RBMS3: variants seen among roughly 807,000 people sequenced by gnomAD.
The protein encoded by RBMS3 is RNA-binding motif, single-stranded-interacting protein 3.
A neutral mutation model predicts 66.8 loss-of-function variants in RBMS3; 27 were observed. The ratio of observed to expected loss-of-function variants is 0.40; its 90% CI spans 0.30 to 0.56. The LOEUF is 0.56. Among genes scored for constraint, RBMS3 ranks in the 20% least tolerant of loss-of-function variants. RBMS3 has a pLI of 0.40. For missense variants in RBMS3, 513 were observed against 549.5 expected (o/e 0.93, Z 0.66); for synonymous variants, 188 against 183.0 (o/e 1.03, Z -0.22).
chr3:29,992,457 G>A (rs984138398), intron 14 of RBMS3, among the ~76,000 whole-genome samples: 52 of 152,184 alleles, frequency 3.4e-4, no homozygotes, highest in Non-Finnish European at 4.9e-4. Flanking sequence ...CATGGTGGCG[G>A]GTGCCTGTAG....
intron 1 of RBMS3, among the ~76,000 whole-genome samples, chr3:29,387,977 T>C (rs1221684996): frequency 1.3e-5 from 2 of 152,202 alleles, no homozygotes; most frequent in East Asian, 1.9e-4. Flanking sequence ...ACATTTTTCC[T>C]ACCACTCCCA....
chr3:29,999,213 A>ATATC (rs1329827523), intron 14 of RBMS3, among the ~76,000 whole-genome samples: 1 of 152,238 alleles, frequency 6.6e-6, no homozygotes, highest in Non-Finnish European at 1.5e-5. Flanking sequence ...CCACAATGAG[A>ATATC]TATCATGTTA....
chr3:29,507,726 G>T (rs1340783493), intron 3 of RBMS3, among the ~76,000 whole-genome samples: 2 of 151,840 alleles, frequency 1.3e-5, no homozygotes, highest in Admixed American at 1.3e-4. Context: ...CCCTTGAAAA[G>T]GTAGCAAAAA....
intron 6 of RBMS3, among the ~76,000 whole-genome samples, chr3:29,819,159 C>T (rs781204332): frequency 6.6e-6 from 1 of 152,218 alleles, no homozygotes; most frequent in African/African-American, 2.4e-5. Flanking sequence ...TAGCCAACTA[C>T]TCTCCTGAAG....
At chr3:29,283,052 G>A (rs1291304276) in intron 1 of RBMS3, among the ~76,000 whole-genome samples, 1 of 152,016 alleles carries the variant, frequency 6.6e-6, no homozygotes, top group Non-Finnish European at 1.5e-5. Flanking sequence ...CCTCCTGCTC[G>A]GTGCCTTAAG....
intron 2 of RBMS3, among the ~76,000 whole-genome samples, chr3:29,449,318 A>G (rs2041939158): frequency 6.6e-6 from 1 of 152,212 alleles, no homozygotes. Flanking sequence ...TGTTTGTGTT[A>G]TATCCTTTCT....
intron 2 of RBMS3, among the ~76,000 whole-genome samples, chr3:29,467,626 C>G (rs1325571152): frequency 6.6e-6 from 1 of 152,032 alleles, no homozygotes; most frequent in Non-Finnish European, 1.5e-5. Flanking sequence ...GTAAAATGTT[C>G]AAGGAAAAGA....
At chr3:29,403,902 C>T (rs2039910842) in intron 1 of RBMS3, among the ~76,000 whole-genome samples, 1 of 152,048 alleles carries the variant, frequency 6.6e-6, no homozygotes, top group African/African-American at 2.4e-5. Context: ...TGATTTCTTT[C>T]TTCTCCCATA....
At chr3:29,387,658 T>A (rs1188677076) in intron 1 of RBMS3, among the ~76,000 whole-genome samples, 1 of 152,092 alleles carries the variant, frequency 6.6e-6, no homozygotes, top group African/African-American at 2.4e-5. Flanking sequence ...ATCCCAGCAC[T>A]TTGGGAGGCC....
At chr3:29,802,806 A>G (rs150937845) in intron 6 of RBMS3, among the ~76,000 whole-genome samples, 2 of 152,186 alleles carry the variant, frequency 1.3e-5, no homozygotes, top group Admixed American at 6.5e-5. Flanking sequence ...AAATGAAAAA[A>G]TTAACTAGCA....
chr3:29,991,078 T>C lies in RBMS3; in HGVS notation c.1180-4T>C. The stretch of plus-strand genomic sequence containing the variant: ...GGCTTTTATGTTCTTATTTGCCTCC[T>C]TAGGGTGTTGTTGCTGATACCTCTC... On this transcript the variant is annotated splice_region_variant and splice_polypyrimidine_tract_variant and intron_variant, in intron 13 of 14. Coordinates refer to ENST00000383767, the MANE Select transcript of RBMS3 (RefSeq NM_001003793.3). The C allele has an allele frequency of 6.2e-7, 1 of 1,614,034 alleles. No individual in the cohort carries two copies. Among genetic ancestry groups the C allele is most frequent in the Non-Finnish European group, 8.5e-7 (1 of 1,179,946 alleles).
intron 3 of RBMS3, among the ~76,000 whole-genome samples, chr3:29,523,096 CACAGT>C (rs1421145404): frequency 2.2e-4 from 34 of 152,150 alleles, no homozygotes; most frequent in Admixed American, 1.5e-3. Context: ...GAAACTGAAG[CACAGT>C]AACATTTTCT....
At position 29,912,575 on chromosome 3, in the gene RBMS3, C is replaced by T. The variant is rs116600197; in HGVS notation, c.939+12820C>T. Among the ~76,000 whole-genome samples the T allele has an allele frequency of 7.2e-3, 1,089 of 152,070 alleles. 16 individuals carry two copies. Among genetic ancestry groups the T allele is most frequent in the African/African-American group, 0.025 (1,043 of 41,502 alleles). ...CAGCTGAAACAACTGTGTTATTCAG[C>T]GTAGTGTCTTAATTGGCAGTTACAT... On this transcript the variant is annotated intron_variant, in intron 10 of 14. Transcript: ENST00000383767.
intron 7 of RBMS3, chr3:29,880,925 G>T: frequency 8.4e-7 from 1 of 1,191,350 alleles, no homozygotes; most frequent in Non-Finnish European, 1.2e-6. Flanking sequence ...TCATTCCTCT[G>T]GATTTACCCT....
chr3:29,345,092 C>T (rs369320324), intron 1 of RBMS3, among the ~76,000 whole-genome samples: 4 of 152,314 alleles, frequency 2.6e-5, no homozygotes, highest in South Asian at 2.1e-4. Context: ...TAAATTACTG[C>T]TGTACTATTT....
intron 4 of RBMS3, among the ~76,000 whole-genome samples, chr3:29,685,320 C>G (rs1351489483): frequency 6.6e-6 from 1 of 152,184 alleles, no homozygotes; most frequent in African/African-American, 2.4e-5. Flanking sequence ...CTCGACCTCC[C>G]AAAGTGCTGG....
At chr3:29,443,213 T>A (rs1268074527) in intron 2 of RBMS3, among the ~76,000 whole-genome samples, 1 of 152,112 alleles carries the variant, frequency 6.6e-6, no homozygotes, top group African/African-American at 2.4e-5. Context: ...TTCCCCAGTC[T>A]AGAATCAATT....
intron 12 of RBMS3, among the ~76,000 whole-genome samples, chr3:29,949,715 A>G (rs1695551288): frequency 6.6e-6 from 1 of 151,644 alleles, no homozygotes; most frequent in Non-Finnish European, 1.5e-5. Flanking sequence ...TAATAGTGAT[A>G]TATTAAAACC....
At chr3:29,860,524 G>C (rs932485718) in intron 6 of RBMS3, among the ~76,000 whole-genome samples, 1 of 152,152 alleles carries the variant, frequency 6.6e-6, no homozygotes, top group East Asian at 1.9e-4. Flanking sequence ...TTCTATGACT[G>C]TAGTGCTGGA....
Sources: gnomAD v4.1 joint callset for allele counts (sites outside exome capture counted in the v4.1 genomes callset) on GRCh38, gnomAD v4.1.1 for gene constraint, MANE v1.5 for transcripts, NCBI Gene and HGNC (gene_info 2026-07-23, HGNC 2026-07-21) for gene names.